PKD2: variants seen among roughly 807,000 people sequenced by gnomAD.
The protein encoded by PKD2 is polycystin 2, transient receptor potential cation channel.
In PKD2, 48 loss-of-function variants were observed where a neutral mutation model predicts 105.9. The observed-to-expected ratio is 0.45, with a 90% CI of 0.36 to 0.58. The LOEUF (loss-of-function observed/expected upper bound fraction) is 0.58. PKD2 is among the 20% of genes least tolerant of loss of function. The pLI is 0.00. For missense variants in PKD2, 1,078 were observed against 1,255.3 expected, an observed-to-expected ratio of 0.86 and a Z score of 2.13; for synonymous variants, 464 against 481.1, an observed-to-expected ratio of 0.96 and a Z score of 0.46.
At position 88,058,090 on chromosome 4, in the gene PKD2, T is replaced by A; in HGVS notation, c.2006T>A (p.Phe669Tyr). The A allele has an allele frequency of 6.5e-7, 1 of 1,535,220 alleles. No individual in the cohort carries two copies. The highest frequency in any genetic ancestry group is 9.0e-7 in the Non-Finnish European group (1 of 1,108,318). The change falls in exon 9 of 15, where the codon TTC (phenylalanine) becomes TAC (tyrosine). Residue 669 changes from phenylalanine to tyrosine, a missense_variant. Phe to Tyr is a conservative substitution (Grantham distance 22). Transcript: ENST00000237596. Reference sequence around the variant, plus strand: ...TTCACTACATTTGTGTTCTTTATGTTCTTCATTCTTTTGGTATGTACATTT... The same window carrying A: ...TTCACTACATTTGTGTTCTTTATGTACTTCATTCTTTTGGTATGTACATTT... The part of the protein sequence containing the change: ...IYFTTFVFFM[F>Y]FILLNMFLAI...
intron 8 of PKD2, among the ~76,000 whole-genome samples, chr4:88,056,507 G>A (rs1720336129): frequency 6.6e-6 from 1 of 152,164 alleles, no homozygotes; most frequent in Admixed American, 6.5e-5. Context: ...ACAGACATAG[G>A]AAACCAACAC....
At chr4:88,062,872 A>G (rs1203170147) in intron 10 of PKD2, among the ~76,000 whole-genome samples, 1 of 152,214 alleles carries the variant, frequency 6.6e-6, no homozygotes, top group African/African-American at 2.4e-5. Flanking sequence ...AGTTGCTTAC[A>G]TTTTAGCAAA....
In PKD2 at chr4:88,052,072, A is replaced by G; in HGVS notation, c.1630A>G (p.Thr544Ala). 1 of 1,601,370 alleles carries G rather than the reference A, an allele frequency of 6.2e-7. No individual in the cohort carries two copies. Residue 544 changes from threonine to alanine, a missense_variant, in exon 7 of 15, where the codon ACT (threonine) becomes GCT (alanine). Transcript: ENST00000237596. ...VLLQFLEDQNTFPNFEHLAYW... is the reference protein window; with the variant it reads ...VLLQFLEDQNAFPNFEHLAYW... Reference sequence around the variant, plus strand: ...ACTACAGTTTCTGGAAGATCAAAATACTTTCCCCAACTTTGAGCATCTGGC... The same window carrying G: ...ACTACAGTTTCTGGAAGATCAAAATGCTTTCCCCAACTTTGAGCATCTGGC...
chr4:88,066,096 C>T (rs1240514799), intron 12 of PKD2, among the ~76,000 whole-genome samples: 1 of 151,998 alleles, frequency 6.6e-6, no homozygotes, highest in Non-Finnish European at 1.5e-5. Context: ...GATATAAAAA[C>T]GTCAAAATGA....
chr4:88,057,163 A>G (rs945505522), intron 8 of PKD2, among the ~76,000 whole-genome samples: 1 of 151,294 alleles, frequency 6.6e-6, no homozygotes, highest in African/African-American at 2.4e-5. Context: ...CCAATTTTTA[A>G]CTTTTTTTAT....
At chr4:88,068,082 A>G (rs1210465266) in intron 13 of PKD2, 21 bp downstream of exon 13, 1 of 1,609,838 alleles carries the variant, frequency 6.2e-7, no homozygotes, top group Admixed American at 1.7e-5. Context: ...AGGAATTGGC[A>G]GAATTTGCGT....
chr4:88,075,325 C>A, intron 14 of PKD2, 133 bp from the exon 15 acceptor site: 1 of 818,236 alleles, frequency 1.2e-6, no homozygotes, highest in Non-Finnish European at 2.2e-6. Context: ...AAAAATTACT[C>A]CAGCAACTCT....
Position 88,028,843 on chromosome 4 carries a change from T to A in PKD2, c.710-7377T>A, listed in dbSNP as rs72873474. The stretch of plus-strand genomic sequence containing the variant: ...AAGTTGAACCATCATATATCCAAGA[T>A]TGTCTGTATATAAATATTATACATC... On this transcript the variant is annotated intron_variant, in intron 2 of 14. Coordinates refer to ENST00000237596, the MANE Select transcript of PKD2 (RefSeq NM_000297.4). Among the ~76,000 whole-genome samples the A allele has an allele frequency of 6.3e-3, 953 of 152,308 alleles. 15 individuals are homozygous for A. The highest frequency in any genetic ancestry group is 0.022 in the African/African-American group (902 of 41,574).
chr4:88,057,466 C>T (rs866482388), intron 8 of PKD2, among the ~76,000 whole-genome samples: 11 of 138,636 alleles, frequency 7.9e-5, no homozygotes, highest in African/African-American at 2.5e-4. Context: ...GATGGAGTCT[C>T]GTTCCATCGC....
chr4:88,011,076 T>G (rs567595136), intron 1 of PKD2, among the ~76,000 whole-genome samples: 1 of 152,124 alleles, frequency 6.6e-6, no homozygotes, highest in Admixed American at 6.5e-5. Context: ...AGGCAGCCAG[T>G]AAGGAGGTGA....
At position 88,057,983 on chromosome 4, in the gene PKD2, C is replaced by A; in HGVS notation, c.1899C>A (p.Ile633=). 1 of 1,597,906 alleles carries A rather than the reference C, an allele frequency of 6.3e-7. No individual in the cohort carries two copies. Among genetic ancestry groups the A allele is most frequent in the Non-Finnish European group, 8.6e-7 (1 of 1,165,264 alleles). The part of the protein sequence containing the change: ...VDDFSTFQEC[I]FTQFRIILGD... ...GTGGTGTTTTGTTTTATTTTTATAG[C>A]TTCACTCAATTCCGTATCATTTTGG... The change falls in exon 9 of 15, where the codon ATC becomes ATA. Residue 633 remains isoleucine (I), a splice_region_variant and synonymous_variant. Coordinates refer to ENST00000237596, the MANE Select transcript of PKD2 (RefSeq NM_000297.4).
chr4:88,014,999 T>G (rs2110085632), intron 1 of PKD2, among the ~76,000 whole-genome samples: 1 of 152,356 alleles, frequency 6.6e-6, no homozygotes, highest in South Asian at 2.1e-4. Context: ...GCCCTCAGTT[T>G]AATGTCATTT....
chr4:88,042,781 A>T (rs1381434796), intron 4 of PKD2, among the ~76,000 whole-genome samples: 4 of 152,168 alleles, frequency 2.6e-5, no homozygotes. Context: ...TTTCTAAGAG[A>T]TCCTCTGAAT....
At chr4:88,015,516 G>A (rs533486885) in intron 1 of PKD2, among the ~76,000 whole-genome samples, 2 of 152,082 alleles carry the variant, frequency 1.3e-5, no homozygotes, top group Non-Finnish European at 2.9e-5. Context: ...GGGTTCAAGC[G>A]ATTCTCCTGC....
chr4:88,070,611 GAGAGAGAGAGAGAGAGAA>G (rs1720992797), intron 13 of PKD2, among the ~76,000 whole-genome samples: 1 of 144,088 alleles, frequency 6.9e-6, no homozygotes, highest in Non-Finnish European at 1.5e-5. Flanking sequence ...TAGAGAGAGA[GAGAGAGAGAGAGAGAGAA>G]AGAGAGAGAG....
At chr4:88,036,154 G>T (rs953773920) in intron 2 of PKD2, 66 bp from the exon 3 acceptor site, 2 of 1,613,256 alleles carry the variant, frequency 1.2e-6, no homozygotes, top group Non-Finnish European at 1.7e-6. Flanking sequence ...CCTTTGTGAA[G>T]GCTGCTGGTA....
intron 7 of PKD2, among the ~76,000 whole-genome samples, chr4:88,053,397 A>T (rs561640112): frequency 1.3e-5 from 2 of 152,318 alleles, no homozygotes; most frequent in South Asian, 2.1e-4. Context: ...GCAGTGGCTC[A>T]TGCCTGTAAT....
chr4:88,013,137 C>G (rs368775419), intron 1 of PKD2, among the ~76,000 whole-genome samples: 1 of 151,888 alleles, frequency 6.6e-6, no homozygotes, highest in African/African-American at 2.4e-5. Context: ...CTTTTTTATT[C>G]GCACCATAAT....
Position 88,016,346 on chromosome 4 carries a change from C to A in PKD2, c.596-3112C>A, listed in dbSNP as rs1371772026. 2.6e-5 allele frequency among the ~76,000 whole-genome samples: 4 copies of A among 152,344 alleles called. No individual in the cohort carries two copies. The East Asian group carries it at 7.7e-4, about 29-fold the overall frequency. Reference sequence around the variant, plus strand: ...CCCTAACACCTGGAAACATTGAATACCTTCAATGCTGGGAAGTTAACTCCC... The same window carrying A: ...CCCTAACACCTGGAAACATTGAATAACTTCAATGCTGGGAAGTTAACTCCC... On this transcript the variant is annotated intron_variant, in intron 1 of 14. Coordinates refer to ENST00000237596, the MANE Select transcript of PKD2 (RefSeq NM_000297.4).
Sources: gnomAD v4.1 joint callset for allele counts (sites outside exome capture counted in the v4.1 genomes callset) on GRCh38, gnomAD v4.1.1 for gene constraint, MANE v1.5 for transcripts, NCBI Gene and HGNC (gene_info 2026-07-23, HGNC 2026-07-21) for gene names.